Variants in ATRNL1 observed in about 807,000 individuals in gnomAD.
ATRNL1 encodes the protein attractin-like protein 1.
In ATRNL1, 95 loss-of-function variants were observed where a neutral mutation model predicts 182.7. That is an observed-to-expected ratio of 0.52 (90% CI 0.44 to 0.62). ATRNL1 has a LOEUF of 0.62. Ranked by LOEUF, ATRNL1 falls within the 20% of genes least tolerant of loss-of-function variation. The probability of loss-of-function intolerance (pLI) is 0.00; values close to 1 mark genes in which losing one functional copy is unlikely to be tolerated. For missense variants in ATRNL1, 1,471 were observed against 1,679.5 expected, an observed-to-expected ratio of 0.88 and a Z score of 2.17; for synonymous variants, 576 against 568.3, an observed-to-expected ratio of 1.01 and a Z score of -0.19.
chr10:115,538,402 A>G (rs2149112), intron 25 of ATRNL1, among the ~76,000 whole-genome samples: 65,474 of 152,038 alleles, frequency 0.43, 14,744 homozygotes, highest in Middle Eastern at 0.53. Flanking sequence ...ATAAATGTGT[A>G]GTGGTATCTT....
At chr10:115,576,464 T>C (rs1212688789) in intron 26 of ATRNL1, among the ~76,000 whole-genome samples, 1 of 152,112 alleles carries the variant, frequency 6.6e-6, no homozygotes, top group Non-Finnish European at 1.5e-5. Context: ...ATGGTTTTGA[T>C]TTGCATTTCC....
chr10:115,271,472 G>C (rs1040258577), intron 13 of ATRNL1, among the ~76,000 whole-genome samples: 2 of 150,726 alleles, frequency 1.3e-5, no homozygotes, highest in African/African-American at 4.9e-5. Flanking sequence ...ATTCCTCAAC[G>C]ATCTAGAACT....
chr10:115,224,243 C>G (rs1020960956), intron 9 of ATRNL1, among the ~76,000 whole-genome samples: 1 of 151,666 alleles, frequency 6.6e-6, no homozygotes, highest in Admixed American at 6.6e-5. Flanking sequence ...CCAAAAAACC[C>G]TAGTATAATT....
intron 25 of ATRNL1, among the ~76,000 whole-genome samples, chr10:115,523,526 A>T (rs782387401): frequency 6.6e-6 from 1 of 152,146 alleles, no homozygotes; most frequent in Non-Finnish European, 1.5e-5. Context: ...TTCCAACTCT[A>T]GGTTATTTAT....
At chr10:115,173,620 T>C (rs1847377867) in intron 8 of ATRNL1, among the ~76,000 whole-genome samples, 1 of 151,924 alleles carries the variant, frequency 6.6e-6, no homozygotes, top group African/African-American at 2.4e-5. Context: ...TATTCTGGAA[T>C]TTATGTTTTA....
In ATRNL1 at chr10:115,458,354, TG is replaced by T. The variant is rs567263726; in HGVS notation, c.3323-3586del. 1.2e-4 allele frequency among the ~76,000 whole-genome samples: 18 copies of T among 152,304 alleles called. No individual in the cohort carries two copies. In the East Asian group the frequency reaches 3.5e-3, roughly 29 times the overall value. ...TAAGCAGCTTTAAAAGGAAACATTT[TG>T]TGTAGAAGTCTAAATTTTCTTTCTT... On this transcript the variant is annotated intron_variant, in intron 21 of 28. Transcript: ENST00000355044.
chr10:115,362,838 AAG>A (rs1336124660), intron 19 of ATRNL1, among the ~76,000 whole-genome samples: 1 of 150,982 alleles, frequency 6.6e-6, no homozygotes, highest in East Asian at 1.9e-4. Context: ...TGTCCCTACA[AAG>A]GACATGAACT....
At chr10:115,127,774 A>G in intron 4 of ATRNL1, 53 bp downstream of exon 4, 2 of 1,268,234 alleles carry the variant, frequency 1.6e-6, no homozygotes, top group Non-Finnish European at 2.1e-6. Flanking sequence ...ATTTAATGTA[A>G]AAGAGGTTTT....
intron 9 of ATRNL1, among the ~76,000 whole-genome samples, chr10:115,233,021 T>C (rs1850024186): frequency 6.6e-6 from 1 of 152,072 alleles, no homozygotes; most frequent in Admixed American, 6.6e-5. Flanking sequence ...TCTAGCCTTT[T>C]CCATCATTTG....
chr10:115,653,269 A>G lies in ATRNL1; in HGVS notation c.3796-73979A>G, dbSNP rs184019436. ...ATGTAAGTTTTCATCTGAAATTGTC[A>G]TGTACATTTATTTTGGTCATGAGTG... On this transcript the variant is annotated intron_variant, in intron 26 of 28. Transcript: ENST00000355044. 9.7e-4 allele frequency among the ~76,000 whole-genome samples: 147 copies of G among 152,290 alleles called. 1 individual carries two copies. The highest frequency in any genetic ancestry group is 3.4e-3 in the African/African-American group (143 of 41,562).
chr10:115,215,296 A>T (rs1849185391), intron 8 of ATRNL1, among the ~76,000 whole-genome samples: 1 of 152,212 alleles, frequency 6.6e-6, no homozygotes, highest in Non-Finnish European at 1.5e-5. Flanking sequence ...AATTAATTTT[A>T]GATTTCTAAG....
chr10:115,108,797 T>C (rs1554866933), intron 1 of ATRNL1, among the ~76,000 whole-genome samples: 2 of 152,198 alleles, frequency 1.3e-5, no homozygotes, highest in African/African-American at 4.8e-5. Flanking sequence ...AGGAAAGCCT[T>C]ACCAAGCACT....
chr10:115,130,879 GCAGTCTT>G (rs1845201701), intron 5 of ATRNL1, among the ~76,000 whole-genome samples: 1 of 152,136 alleles, frequency 6.6e-6, no homozygotes, highest in Admixed American at 6.5e-5. Flanking sequence ...CCTCATTTCA[GCAGTCTT>G]AAAAGCAAAT....
At chr10:115,701,363 T>A (rs1467623607) in intron 26 of ATRNL1, among the ~76,000 whole-genome samples, 5 of 151,942 alleles carry the variant, frequency 3.3e-5, no homozygotes, top group African/African-American at 1.2e-4. Context: ...TAGAAAGATG[T>A]CAATTTAATT....
intron 19 of ATRNL1, among the ~76,000 whole-genome samples, chr10:115,365,320 A>T (rs1554945573): frequency 6.6e-6 from 1 of 151,448 alleles, no homozygotes; most frequent in East Asian, 1.9e-4. Context: ...AGGTGTTTGT[A>T]GTATTCTCTG....
intron 19 of ATRNL1, among the ~76,000 whole-genome samples, chr10:115,365,650 G>A (rs1394935912): frequency 1.3e-5 from 2 of 150,732 alleles, no homozygotes; most frequent in African/African-American, 4.9e-5. Context: ...TTTCTCTTGT[G>A]GGCATTTAGT....
intron 10 of ATRNL1, among the ~76,000 whole-genome samples, chr10:115,253,140 AG>A (rs1554905763): frequency 1.3e-5 from 2 of 152,330 alleles, no homozygotes; most frequent in East Asian, 3.9e-4. Context: ...GTTAATTGGG[AG>A]TACCCTTACA....
rs564200098 is a variant in ATRNL1, at chr10:115,849,257, C to T, written c.4018+1266C>T. 4.6e-5 allele frequency among the ~76,000 whole-genome samples: 7 copies of T among 152,258 alleles called. No homozygotes were observed. The East Asian group carries it at 1.4e-3, about 29-fold the overall frequency. On this transcript the variant is annotated intron_variant, in intron 28 of 28. Coordinates refer to ENST00000355044, the MANE Select transcript of ATRNL1 (RefSeq NM_207303.4). The stretch of plus-strand genomic sequence containing the variant: ...AGTGAATGTCTTGTTCTTTTCCTTT[C>T]AGCACCTCCAAGGTAAATGGGATGC...
At chr10:115,189,942 A>C (rs1256340638) in intron 8 of ATRNL1, among the ~76,000 whole-genome samples, 1 of 152,040 alleles carries the variant, frequency 6.6e-6, no homozygotes, top group African/African-American at 2.4e-5. Context: ...TTTACACCAC[A>C]CTTTTACCAT....
Sources: gnomAD v4.1 joint callset for allele counts (sites outside exome capture counted in the v4.1 genomes callset) on GRCh38, gnomAD v4.1.1 for gene constraint, MANE v1.5 for transcripts, NCBI Gene and HGNC (gene_info 2026-07-23, HGNC 2026-07-21) for gene names.